The following PCDHGA6 variants were observed in gnomAD, a reference collection of about 807,000 sequenced individuals.
The protein encoded by PCDHGA6 is protocadherin gamma-A6.
PCDHGA6 carries 41 observed loss-of-function variants against 60.6 expected under a neutral mutation model. The observed-to-expected ratio is 0.68, with a 90% confidence interval of 0.53 to 0.88. PCDHGA6 has a LOEUF of 0.88. Among genes scored for constraint, PCDHGA6 ranks in the 40% least tolerant of loss-of-function variants. The pLI is 0.00. For synonymous variants in PCDHGA6, 594 were observed against 524.4 expected, an observed-to-expected ratio of 1.13 and a Z score of -1.81; for missense variants, 1,312 against 1,203.0, an observed-to-expected ratio of 1.09 and a Z score of -1.34.
At chr5:141,389,330 C>A in intron 1 of PCDHGA6, 2 of 1,614,000 alleles carry the variant, frequency 1.2e-6, no homozygotes, top group Non-Finnish European at 1.7e-6. Context: ...TGGGGCCCAA[C>A]GGCCAAGTCT....
chr5:141,409,351 G>T, intron 1 of PCDHGA6: 1 of 1,613,982 alleles, frequency 6.2e-7, no homozygotes, highest in South Asian at 1.1e-5. Flanking sequence ...GAGAAGTCAG[G>T]TGTAATATAG....
At chr5:141,482,048 G>T (rs375214441) in intron 1 of PCDHGA6, among the ~76,000 whole-genome samples, 12 of 150,156 alleles carry the variant, frequency 8.0e-5, no homozygotes, top group Middle Eastern at 6.9e-3. Flanking sequence ...TCATGCTGTT[G>T]CATTCCAGCC....
chr5:141,502,518 T>C (rs1388007900), intron 2 of PCDHGA6, among the ~76,000 whole-genome samples: 1 of 152,184 alleles, frequency 6.6e-6, no homozygotes, highest in Non-Finnish European at 1.5e-5. Flanking sequence ...CCACTATCAG[T>C]GATGCCGAGT....
At chr5:141,386,206 G>A (rs931130731) in intron 1 of PCDHGA6, among the ~76,000 whole-genome samples, 2 of 152,116 alleles carry the variant, frequency 1.3e-5, no homozygotes, top group East Asian at 3.9e-4. Context: ...ACCAGTAGTT[G>A]ATTTTATTTA....
At chr5:141,445,046 G>A (rs181806844) in intron 1 of PCDHGA6, among the ~76,000 whole-genome samples, 1 of 152,248 alleles carries the variant, frequency 6.6e-6, no homozygotes, top group East Asian at 1.9e-4. Context: ...AGTTTTCAGT[G>A]TAGAGAGGTC....
chr5:141,395,750 G>C (rs1308444906), intron 1 of PCDHGA6: 3 of 152,888 alleles, frequency 2.0e-5, no homozygotes, highest in African/African-American at 7.3e-5. Flanking sequence ...TCTTTTCTGA[G>C]CCCTGTTTCT....
chr5:141,476,238 G>C lies in PCDHGA6; in HGVS notation c.2425-18569G>C, dbSNP rs764976894. ...ATTCACTATGAGATCCCGGAGGAAA[G>C]AGAGAAGGGTTTCGCTGTGGGCAAC... On this transcript the variant is annotated intron_variant, in intron 1 of 3. Coordinates refer to ENST00000517434, the MANE Select transcript of PCDHGA6 (RefSeq NM_018919.3). The surrounding 1 kb of genome is among the most constrained non-coding windows in gnomAD (Gnocchi z 7.6). 1 of 1,614,098 alleles carries C rather than the reference G, an allele frequency of 6.2e-7. No individual in the cohort carries two copies.
At position 141,489,078 on chromosome 5, in the gene PCDHGA6, G is replaced by A. The variant is rs990356560; in HGVS notation, c.2425-5729G>A. ...GCTCCCCTCCCCCCTGCCCACCCCC[G>A]CCACTCGGTGACTAAGAACTGCTGC... On this transcript the variant is annotated intron_variant, in intron 1 of 3. Transcript: ENST00000517434. The surrounding 1 kb of genome is among the most constrained non-coding windows in gnomAD (Gnocchi z 4.5). 6.9e-5 allele frequency: 11 copies of A among 160,224 alleles called. 1 individual carries two copies. Among genetic ancestry groups the A allele is most frequent in the Admixed American group, 3.7e-4 (4 of 10,708 alleles). The allele number at this position is 160,224 out of a possible 1,614,324, so 9.9% of individuals were successfully genotyped here.
At chr5:141,410,659 C>T (rs1481225976) in intron 1 of PCDHGA6, 5 of 1,571,890 alleles carry the variant, frequency 3.2e-6, no homozygotes, top group Non-Finnish European at 4.3e-6. Flanking sequence ...ATCTAATAGT[C>T]TACTAGTTTC....
At position 141,432,686 on chromosome 5, in the gene PCDHGA6, G is replaced by T. The variant is rs2097528577; in HGVS notation, c.2424+56179G>T. ...CAGAGACGCGCTCAAGCAGAGCCTC[G>T]TAGTGGCCGTCCAGGACCACGGCCA... On this transcript the variant is annotated intron_variant, in intron 1 of 3. Transcript: ENST00000517434. The surrounding 1 kb of genome is among the most constrained non-coding windows in gnomAD (Gnocchi z 6.0). 6.2e-7 allele frequency: 1 copy of T among 1,613,922 alleles called. No individual in the cohort carries two copies. Among genetic ancestry groups the T allele is most frequent in the Non-Finnish European group, 8.5e-7 (1 of 1,179,968 alleles).
Position 141,489,712 on chromosome 5 carries a change from C to G in PCDHGA6, c.2425-5095C>G. On this transcript the variant is annotated intron_variant, in intron 1 of 3. Transcript: ENST00000517434. The surrounding 1 kb of genome is among the most constrained non-coding windows in gnomAD (Gnocchi z 4.5). ...GGCACGATTCCCACTGGACAGTGCC[C>G]AGGATCCGGATGTGGGCACCAATAC... The G allele has an allele frequency of 6.2e-7, 1 of 1,614,162 alleles. No individual in the cohort carries two copies. Among genetic ancestry groups the G allele is most frequent in the South Asian group, 1.1e-5 (1 of 91,078 alleles).
rs1369821635 is a variant in PCDHGA6, at chr5:141,512,208, G to T, written c.*1035G>T. ...TTCAGTCCAAGGAAGCTCGAAGCAG[G>T]TTTAGGACCAGGTCCCCTTGAGAGG... On this transcript the variant is annotated 3_prime_UTR_variant, in exon 4 of 4. Coordinates refer to ENST00000517434, the MANE Select transcript of PCDHGA6 (RefSeq NM_018919.3). 6.5e-6 allele frequency: 1 copy of T among 152,758 alleles called. No homozygotes were observed. The highest frequency in any genetic ancestry group is 2.4e-5 in the African/African-American group (1 of 41,454). The allele number at this position is 152,758 out of a possible 1,614,324, so 9.5% of individuals were successfully genotyped here.
chr5:141,422,276 T>G, intron 1 of PCDHGA6: 3 of 1,558,820 alleles, frequency 1.9e-6, no homozygotes, highest in South Asian at 1.3e-5. Context: ...GAAATAACTA[T>G]CACCTCTTCT....
chr5:141,383,043 C>T, intron 1 of PCDHGA6: 1 of 1,613,860 alleles, frequency 6.2e-7, no homozygotes, highest in Non-Finnish European at 8.5e-7. Flanking sequence ...TGGGAGACAT[C>T]GCCAAGGACC....
At position 141,476,581 on chromosome 5, in the gene PCDHGA6, G is replaced by A. The variant is rs1393235114; in HGVS notation, c.2425-18226G>A. The A allele has an allele frequency of 5.0e-6, 8 of 1,614,230 alleles. No individual in the cohort carries two copies. The highest frequency in any genetic ancestry group is 6.8e-6 in the Non-Finnish European group (8 of 1,180,042). ...CCGTGGCTCCGGGGACGCGCTTTCC[G>A]CTCGAGAGCGCGCACGATCCCGATG... On this transcript the variant is annotated intron_variant, in intron 1 of 3. Transcript: ENST00000517434. This position sits in a 1 kb window ranked among gnomAD's most constrained non-coding sequence, Gnocchi z 7.6.
chr5:141,431,830 C>G lies in PCDHGA6; in HGVS notation c.2424+55323C>G, dbSNP rs1354008481. 1 of 1,614,078 alleles carries G rather than the reference C, an allele frequency of 6.2e-7. No homozygotes were observed. The highest frequency in any genetic ancestry group is 8.5e-7 in the Non-Finnish European group (1 of 1,180,034). The stretch of plus-strand genomic sequence containing the variant: ...TCACCTCTCTCGCCAGCTCGGTTCC[C>G]GAAAACTCTCCCAGAGGGACATTAA... On this transcript the variant is annotated intron_variant, in intron 1 of 3. Coordinates refer to ENST00000517434, the MANE Select transcript of PCDHGA6 (RefSeq NM_018919.3). This position sits in a 1 kb window ranked among gnomAD's most constrained non-coding sequence, Gnocchi z 4.8.
chr5:141,471,893 T>G (rs1289667371), intron 1 of PCDHGA6, among the ~76,000 whole-genome samples: 1 of 152,166 alleles, frequency 6.6e-6, no homozygotes, highest in African/African-American at 2.4e-5. Flanking sequence ...CTAGGAAGAT[T>G]GACTACAGAC....
chr5:141,387,780 G>T, intron 1 of PCDHGA6: 2 of 1,461,128 alleles, frequency 1.4e-6, no homozygotes, highest in Admixed American at 2.6e-5. Flanking sequence ...TCTTGAACTG[G>T]AACTGCAACT....
intron 1 of PCDHGA6, chr5:141,384,276 C>A: frequency 6.2e-7 from 1 of 1,613,888 alleles, no homozygotes; most frequent in Non-Finnish European, 8.5e-7. Context: ...CCTACTCAGT[C>A]TACATCGCTG....
Sources: allele counts gnomAD v4.1 joint callset (sites outside exome capture counted in the v4.1 genomes callset), GRCh38; gene constraint gnomAD v4.1.1; non-coding constraint Gnocchi (gnomAD v3.1); transcripts MANE v1.5; gene names NCBI Gene and HGNC (gene_info 2026-07-23, HGNC 2026-07-21).